The following DMRT1 variants were observed in gnomAD, a reference collection of about 807,000 sequenced individuals.
The protein encoded by DMRT1 is doublesex- and mab-3-related transcription factor 1.
DMRT1 carries 7 observed loss-of-function variants against 32.3 expected under a neutral mutation model. The observed-to-expected ratio is 0.22, with a 90% confidence interval of 0.12 to 0.41. DMRT1 has a LOEUF of 0.41. Among genes scored for constraint, DMRT1 ranks in the 10% least tolerant of loss-of-function variants. The probability of loss-of-function intolerance (pLI) is 1.00; values close to 1 mark genes in which losing one functional copy is unlikely to be tolerated. For missense variants in DMRT1, 625 were observed against 500.5 expected (o/e 1.25, Z -2.37); for synonymous variants, 278 against 206.1 (o/e 1.35, Z -2.99).
chr9:930,157 C>T (rs778670546), intron 4 of DMRT1, among the ~76,000 whole-genome samples: 1 of 152,124 alleles, frequency 6.6e-6, no homozygotes, highest in Non-Finnish European at 1.5e-5. Context: ...CTTTTCCAGG[C>T]ACACTTCACC....
At chr9:894,519 ATAAC>A in intron 3 of DMRT1, 1 of 385,500 alleles carries the variant, frequency 2.6e-6, no homozygotes. Flanking sequence ...TGTTGCATAA[ATAAC>A]CAGTTGGGCA....
chr9:869,353 T>C (rs1436041645), intron 2 of DMRT1, among the ~76,000 whole-genome samples: 1 of 152,196 alleles, frequency 6.6e-6, no homozygotes, highest in Non-Finnish European at 1.5e-5. Context: ...GCATTGTGAA[T>C]ACAAAGGTGT....
chr9:853,229 A>G (rs1228977608), intron 2 of DMRT1, among the ~76,000 whole-genome samples: 1 of 152,020 alleles, frequency 6.6e-6, no homozygotes, highest in African/African-American at 2.4e-5. Context: ...GCTAGCATCG[A>G]TGAACTTACA....
At chr9:958,556 A>G (rs1319438191) in intron 4 of DMRT1, among the ~76,000 whole-genome samples, 1 of 152,060 alleles carries the variant, frequency 6.6e-6, no homozygotes, top group African/African-American at 2.4e-5. Flanking sequence ...TAGTAGAGAC[A>G]GGGTTTCACC....
At chr9:929,885 G>C (rs1290258437) in intron 4 of DMRT1, among the ~76,000 whole-genome samples, 1 of 152,112 alleles carries the variant, frequency 6.6e-6, no homozygotes, top group Non-Finnish European at 1.5e-5. Context: ...TCTGGGAGAT[G>C]AACCATGAGA....
chr9:843,363 C>T (rs531658339), intron 1 of DMRT1, among the ~76,000 whole-genome samples: 9 of 152,342 alleles, frequency 5.9e-5, no homozygotes, highest in Non-Finnish European at 7.3e-5. Flanking sequence ...GGAGGCTGAG[C>T]GCCTCAGCCA....
chr9:852,329 C>G (rs975131420), intron 2 of DMRT1, among the ~76,000 whole-genome samples: 1 of 148,336 alleles, frequency 6.7e-6, no homozygotes, highest in African/African-American at 2.5e-5. Context: ...CTCTACATGA[C>G]AAATAATTAA....
intron 4 of DMRT1, among the ~76,000 whole-genome samples, chr9:938,560 C>T (rs1395089960): frequency 6.6e-6 from 1 of 152,118 alleles, no homozygotes; most frequent in Non-Finnish European, 1.5e-5. Flanking sequence ...TATTTTGTTG[C>T]TAGGGTATAG....
At chr9:906,710 A>AT (rs1263846217) in intron 3 of DMRT1, among the ~76,000 whole-genome samples, 2 of 152,220 alleles carry the variant, frequency 1.3e-5, no homozygotes, top group African/African-American at 2.4e-5. Flanking sequence ...TCAAAAAAAA[A>AT]GTTTATTTGC....
At chr9:896,291 T>C (rs897399773) in intron 3 of DMRT1, among the ~76,000 whole-genome samples, 6 of 147,890 alleles carry the variant, frequency 4.1e-5, no homozygotes, top group African/African-American at 1.5e-4. Context: ...TTTTCTTTTT[T>C]TTTTTTTTTT....
intron 2 of DMRT1, among the ~76,000 whole-genome samples, chr9:857,995 A>G (rs917224673): frequency 6.6e-6 from 1 of 151,806 alleles, no homozygotes; most frequent in African/African-American, 2.4e-5. Flanking sequence ...CATGGTGTAT[A>G]TGTGCCACAT....
rs1483050155 is a variant in DMRT1 at position 965,592 on chromosome 9, G to C, written c.968-2393G>C. On this transcript the variant is annotated intron_variant, in intron 4 of 4. Transcript: ENST00000382276. The surrounding 1 kb of genome is among the most constrained non-coding windows in gnomAD (Gnocchi z 4.5). The stretch of plus-strand genomic sequence containing the variant: ...CCCAAGTTGGCTAAATGAGGAGAGG[G>C]CATCTCCCGGGGCATCTCCCAGTCA... Among the ~76,000 whole-genome samples the C allele has an allele frequency of 6.6e-6, 1 of 152,212 alleles. No individual in the cohort carries two copies. Among genetic ancestry groups the C allele is most frequent in the Admixed American group, 6.5e-5 (1 of 15,276 alleles).
intron 4 of DMRT1, among the ~76,000 whole-genome samples, chr9:934,705 A>G (rs1382634766): frequency 3.3e-5 from 5 of 152,168 alleles, no homozygotes; most frequent in African/African-American, 1.2e-4. Context: ...ATTCTTTTGC[A>G]TGTGAATATC....
chr9:884,433 T>A (rs1816847259), intron 2 of DMRT1, among the ~76,000 whole-genome samples: 1 of 149,664 alleles, frequency 6.7e-6, no homozygotes, highest in African/African-American at 2.5e-5. Context: ...GTGCAGAAAG[T>A]AAACGGGTGT....
intron 4 of DMRT1, among the ~76,000 whole-genome samples, chr9:962,574 A>T (rs1819809674): frequency 6.7e-6 from 1 of 149,720 alleles, no homozygotes; most frequent in African/African-American, 2.5e-5. Flanking sequence ...TGGAGGTGGC[A>T]CTGGGGACCC....
chr9:891,230 T>G (rs1018568462), intron 2 of DMRT1, among the ~76,000 whole-genome samples: 5 of 149,344 alleles, frequency 3.3e-5, no homozygotes, highest in African/African-American at 1.2e-4. Flanking sequence ...TCAGATTGCT[T>G]GAGCTCAGGA....
At chr9:939,856 A>G (rs1224080423) in intron 4 of DMRT1, among the ~76,000 whole-genome samples, 3 of 152,202 alleles carry the variant, frequency 2.0e-5, no homozygotes, top group Non-Finnish European at 2.9e-5. Flanking sequence ...AAGGGTGGAC[A>G]TTATACTGGC....
At chr9:907,207 T>A (rs1817806989) in intron 3 of DMRT1, among the ~76,000 whole-genome samples, 1 of 152,216 alleles carries the variant, frequency 6.6e-6, no homozygotes. Flanking sequence ...TAACCAAATT[T>A]AAAAAATACA....
chr9:910,226 A>C (rs187420443), intron 3 of DMRT1, among the ~76,000 whole-genome samples: 158 of 152,278 alleles, frequency 1.0e-3, no homozygotes, highest in African/African-American at 3.7e-3. Flanking sequence ...AATACTGATG[A>C]TGAAAACTTT....
Sources: gnomAD v4.1 joint callset for allele counts (sites outside exome capture counted in the v4.1 genomes callset) on GRCh38, gnomAD v4.1.1 for gene constraint, Gnocchi (gnomAD v3.1) non-coding constraint, MANE v1.5 for transcripts, NCBI Gene and HGNC (gene_info 2026-07-23, HGNC 2026-07-21) for gene names.